The following LDB2 variants were observed in gnomAD, a reference collection of about 807,000 sequenced individuals.
LDB2 encodes LIM domain binding 2.
LDB2 carries 12 observed loss-of-function variants against 44.3 expected under a neutral mutation model. The observed-to-expected ratio is 0.27, with a 90% CI of 0.17 to 0.44. The LOEUF (loss-of-function observed/expected upper bound fraction) is 0.44, where lower values mean the gene tolerates loss of function less well. LDB2 is among the 20% of genes least tolerant of loss of function. LDB2 has a pLI of 1.00. For synonymous variants in LDB2, 164 were observed against 174.8 expected, an observed-to-expected ratio of 0.94 and a Z score of 0.49; for missense variants, 344 against 473.5, an observed-to-expected ratio of 0.73 and a Z score of 2.54.
intron 1 of LDB2, among the ~76,000 whole-genome samples, chr4:16,763,176 T>G (rs1306445972): frequency 6.7e-6 from 1 of 149,586 alleles, no homozygotes; most frequent in African/African-American, 2.5e-5. Context: ...AATGTAACCT[T>G]TAAGTTCATA....
rs1185211510 is a variant in LDB2 at position 16,739,648 on chromosome 4, A to G, written c.235+19510T>C. Among the ~76,000 whole-genome samples, 149 of 77,128 alleles carry G rather than the reference A, an allele frequency of 1.9e-3. 8 individuals are homozygous for G. Among genetic ancestry groups the G allele is most frequent in the South Asian group, 0.013 (33 of 2,592 alleles). The allele number at this position is 77,128 out of a possible 152,430, so 50.6% of individuals were successfully genotyped here. ...TGTGTGTATATATGTATATATACAT[A>G]TGTGTGTATATATGTATATATACAT... On this transcript the variant is annotated intron_variant, in intron 2 of 7. Transcript: ENST00000304523.
chr4:16,595,973 A>T, intron 2 of LDB2, 98 bp from the exon 3 acceptor site: 4 of 1,239,012 alleles, frequency 3.2e-6, no homozygotes, highest in Non-Finnish European at 4.5e-6. Flanking sequence ...CCGGATACTG[A>T]TCATCTCAAG....
intron 5 of LDB2, among the ~76,000 whole-genome samples, chr4:16,540,240 T>C (rs983047840): frequency 6.6e-6 from 1 of 151,926 alleles, no homozygotes; most frequent in Non-Finnish European, 1.5e-5. Flanking sequence ...CCAAACCATA[T>C]CAGTGGGCTT....
At chr4:16,538,059 G>GA (rs1190157125) in intron 5 of LDB2, among the ~76,000 whole-genome samples, 2 of 152,190 alleles carry the variant, frequency 1.3e-5, no homozygotes, top group Admixed American at 6.5e-5. Flanking sequence ...GGTGCCTGAG[G>GA]AGGCTGGCTT....
At chr4:16,865,438 G>T (rs1441346439) in intron 1 of LDB2, among the ~76,000 whole-genome samples, 1 of 152,072 alleles carries the variant, frequency 6.6e-6, no homozygotes, top group East Asian at 1.9e-4. Context: ...ATGCACAGGG[G>T]CTCGGGCTGC....
At chr4:16,661,636 G>A (rs961735305) in intron 2 of LDB2, among the ~76,000 whole-genome samples, 5 of 151,942 alleles carry the variant, frequency 3.3e-5, no homozygotes, top group East Asian at 1.9e-4. Flanking sequence ...TTTTTTTAAC[G>A]TTGTCCTCTT....
intron 1 of LDB2, among the ~76,000 whole-genome samples, chr4:16,839,577 G>C (rs764317370): frequency 6.6e-6 from 1 of 152,166 alleles, no homozygotes; most frequent in Non-Finnish European, 1.5e-5. Context: ...TTCTACGTGA[G>C]CAAACTGAGG....
At chr4:16,609,611 C>T (rs1200451526) in intron 2 of LDB2, among the ~76,000 whole-genome samples, 1 of 152,182 alleles carries the variant, frequency 6.6e-6, no homozygotes, top group East Asian at 1.9e-4. Flanking sequence ...CTCTTCAGGC[C>T]CAACCCTGAC....
chr4:16,737,381 C>G (rs997766229), intron 2 of LDB2, among the ~76,000 whole-genome samples: 1 of 151,996 alleles, frequency 6.6e-6, no homozygotes, highest in Non-Finnish European at 1.5e-5. Context: ...GGCATCAGCC[C>G]CCACTCCTGT....
At chr4:16,717,443 G>A (rs1431894053) in intron 2 of LDB2, among the ~76,000 whole-genome samples, 1 of 151,972 alleles carries the variant, frequency 6.6e-6, no homozygotes, top group Non-Finnish European at 1.5e-5. Flanking sequence ...CAGAAAAGTC[G>A]TGGGTAATGA....
chr4:16,516,534 T>A lies in LDB2; in HGVS notation c.616-4430A>T, dbSNP rs373141485. On this transcript the variant is annotated intron_variant, in intron 5 of 7. Transcript: ENST00000304523. ...TAAGTATATTAACAAAACTATCCTG[T>A]CTTAGGAAATCACATTCTTCCAAAG... is the stretch of plus-strand genomic sequence containing the variant. Among the ~76,000 whole-genome samples the A allele has an allele frequency of 5.9e-5, 9 of 152,310 alleles. No individual in the cohort carries two copies. The East Asian group carries it at 1.7e-3, about 29-fold the overall frequency.
chr4:16,502,989 C>T (rs971292876), intron 7 of LDB2, 116 bp from the exon 8 acceptor site: 9 of 1,602,124 alleles, frequency 5.6e-6, no homozygotes, highest in Middle Eastern at 1.7e-4. Flanking sequence ...TACTGTACAA[C>T]GGGGTCAAGT....
intron 1 of LDB2, among the ~76,000 whole-genome samples, chr4:16,872,964 T>C (rs1717147091): frequency 6.6e-6 from 1 of 151,890 alleles, no homozygotes; most frequent in South Asian, 2.1e-4. Flanking sequence ...ATTCTAAGAG[T>C]CCCATTGACA....
intron 5 of LDB2, among the ~76,000 whole-genome samples, chr4:16,564,956 A>C (rs1325801007): frequency 2.0e-5 from 3 of 152,276 alleles, no homozygotes; most frequent in Non-Finnish European, 2.9e-5. Context: ...ATAAGAGGGA[A>C]TATCAACTGA....
intron 2 of LDB2, among the ~76,000 whole-genome samples, chr4:16,683,926 C>T (rs541293019): frequency 1.2e-3 from 186 of 152,332 alleles, no homozygotes; most frequent in African/African-American, 4.3e-3. Flanking sequence ...GGCTCACCTG[C>T]TTCTTAACCA....
chr4:16,875,165 T>C (rs538692091), intron 1 of LDB2, among the ~76,000 whole-genome samples: 132 of 152,132 alleles, frequency 8.7e-4, no homozygotes, highest in African/African-American at 3.0e-3. Context: ...TGGGGAAACA[T>C]AGTGTCTGGG....
chr4:16,781,023 G>T (rs1332179339), intron 1 of LDB2, among the ~76,000 whole-genome samples: 2 of 152,116 alleles, frequency 1.3e-5, no homozygotes, highest in African/African-American at 2.4e-5. Context: ...TTGCCTGGAG[G>T]TGGCTAAGCA....
In LDB2 at chr4:16,674,141, T is replaced by C. The variant is rs570458781; in HGVS notation, c.236-78266A>G. On this transcript the variant is annotated intron_variant, in intron 2 of 7. Transcript: ENST00000304523. Reference sequence around the variant, plus strand: ...AGATTTCCCTGAGAATATTTCCCATTTTACGCATTTCCAGAATTCACGCCT... The same window carrying C: ...AGATTTCCCTGAGAATATTTCCCATCTTACGCATTTCCAGAATTCACGCCT... The C allele has an allele frequency of 4.6e-4, 370 of 807,530 alleles. 4 individuals are homozygous for C. In the South Asian group the frequency reaches 5.2e-3, roughly 11 times the overall value. The allele number at this position is 807,530 out of a possible 1,614,324, so 50.0% of individuals were successfully genotyped here.
chr4:16,779,256 C>CA (rs1411444181), intron 1 of LDB2, among the ~76,000 whole-genome samples: 1 of 152,204 alleles, frequency 6.6e-6, no homozygotes, highest in African/African-American at 2.4e-5. Context: ...TGCTTTCCCC[C>CA]GCTAAGTGCA....
Sources: gnomAD v4.1 joint callset for allele counts (sites outside exome capture counted in the v4.1 genomes callset) on GRCh38, gnomAD v4.1.1 for gene constraint, MANE v1.5 for transcripts, NCBI Gene and HGNC (gene_info 2026-07-23, HGNC 2026-07-21) for gene names.